Variants in ENTREP2 observed in about 807,000 individuals in gnomAD.
ENTREP2 encodes the protein protein ENTREP2.
At chr15:29,622,287 C>T in the ENTREP2 span, among the ~76,000 whole-genome samples, 2 of 152,106 alleles carry the variant, frequency 1.3e-5, no homozygotes, top group Non-Finnish European at 2.9e-5. Context: ...CTTACTGCAA[C>T]CTCTGCCTCC....
the ENTREP2 span, among the ~76,000 whole-genome samples, chr15:29,556,761 T>C: frequency 9.7e-6 from 1 of 103,490 alleles, no homozygotes; most frequent in Non-Finnish European, 2.2e-5. Flanking sequence ...CCCATGCAGG[T>C]GCCCCCCCCC....
chr15:29,196,528 C>T, the ENTREP2 span: 2 of 1,551,576 alleles, frequency 1.3e-6, no homozygotes, highest in Non-Finnish European at 8.7e-7. Context: ...TGCTGCAGCT[C>T]ACAGCAGACA....
At chr15:29,209,330 C>T in the ENTREP2 span, among the ~76,000 whole-genome samples, 1 of 152,036 alleles carries the variant, frequency 6.6e-6, no homozygotes, top group East Asian at 1.9e-4. Context: ...CGTGAAACCC[C>T]GTCTCTACTA....
the ENTREP2 span, among the ~76,000 whole-genome samples, chr15:29,201,364 AG>A: frequency 5.9e-5 from 9 of 152,314 alleles, no homozygotes; most frequent in East Asian, 1.5e-3. Context: ...TCCTGATCTT[AG>A]GGGAAAAGCA....
At chr15:29,173,695 T>TA in the ENTREP2 span, among the ~76,000 whole-genome samples, 1 of 152,120 alleles carries the variant, frequency 6.6e-6, no homozygotes, top group Non-Finnish European at 1.5e-5. Flanking sequence ...TCTGATTGGT[T>TA]ATCATATTTG....
chr15:29,490,991 T>C, the ENTREP2 span, among the ~76,000 whole-genome samples: 1 of 152,096 alleles, frequency 6.6e-6, no homozygotes, highest in Non-Finnish European at 1.5e-5. Flanking sequence ...GGGGGCAGCA[T>C]GGCGGGCTGC....
the ENTREP2 span, among the ~76,000 whole-genome samples, chr15:29,362,070 C>G: frequency 2.6e-5 from 4 of 152,278 alleles, no homozygotes; most frequent in African/African-American, 9.6e-5. Flanking sequence ...CTCTGGGACT[C>G]CATCCAGAGG....
At chr15:29,513,387 AT>A in the ENTREP2 span, among the ~76,000 whole-genome samples, 1 of 152,236 alleles carries the variant, frequency 6.6e-6, no homozygotes, top group African/African-American at 2.4e-5. Flanking sequence ...TTGAAAAGGA[AT>A]TTTAAAACCC....
At chr15:29,404,372 T>C in the ENTREP2 span, among the ~76,000 whole-genome samples, 5 of 151,846 alleles carry the variant, frequency 3.3e-5, no homozygotes, top group Non-Finnish European at 7.4e-5. Flanking sequence ...CCAGCACCCT[T>C]GTAATAGCCG....
the ENTREP2 span, among the ~76,000 whole-genome samples, chr15:29,170,084 G>T: frequency 6.6e-6 from 1 of 152,010 alleles, no homozygotes. Context: ...GAGGCAGGGG[G>T]ATCATGAGGT....
chr15:29,453,221 C>T, the ENTREP2 span, among the ~76,000 whole-genome samples: 1 of 152,208 alleles, frequency 6.6e-6, no homozygotes, highest in African/African-American at 2.4e-5. Context: ...AGAATCTGCA[C>T]TTAAGCCTCA....
chr15:29,356,012 G>A, the ENTREP2 span, among the ~76,000 whole-genome samples: 1 of 151,892 alleles, frequency 6.6e-6, no homozygotes. Flanking sequence ...TTTTTTGGGA[G>A]TATCACTTAC....
the ENTREP2 span, among the ~76,000 whole-genome samples, chr15:29,456,289 C>T: frequency 6.6e-6 from 1 of 152,160 alleles, no homozygotes; most frequent in African/African-American, 2.4e-5. Context: ...CAGGATAATA[C>T]TGCATGTTCT....
the ENTREP2 span, among the ~76,000 whole-genome samples, chr15:29,542,229 T>C: frequency 5.3e-5 from 8 of 152,162 alleles, no homozygotes; most frequent in South Asian, 1.5e-3. Context: ...TGGCCAGGCT[T>C]GTCTCAAACT....
the ENTREP2 span, among the ~76,000 whole-genome samples, chr15:29,545,503 G>A: frequency 2.6e-5 from 4 of 152,190 alleles, no homozygotes; most frequent in Non-Finnish European, 4.4e-5. Flanking sequence ...TATGATGTGT[G>A]GGATAAATGT....
the ENTREP2 span, among the ~76,000 whole-genome samples, chr15:29,673,711 G>A: frequency 1.4e-4 from 21 of 152,304 alleles, no homozygotes; most frequent in Non-Finnish European, 5.9e-5. Flanking sequence ...CAAGAAGGGA[G>A]TTTGTTTTGG....
At chr15:29,371,691 ACTGT>A in the ENTREP2 span, among the ~76,000 whole-genome samples, 8 of 152,314 alleles carry the variant, frequency 5.3e-5, no homozygotes, top group South Asian at 2.1e-4. Context: ...AAATAACATA[ACTGT>A]CTGTCAAAAT....
At chr15:29,526,156 G>A in the ENTREP2 span, among the ~76,000 whole-genome samples, 1 of 152,136 alleles carries the variant, frequency 6.6e-6, no homozygotes, top group Non-Finnish European at 1.5e-5. Flanking sequence ...TTCCATGTAC[G>A]TGATATAGTG....
At chr15:29,661,500 A>G in the ENTREP2 span, among the ~76,000 whole-genome samples, 1 of 152,136 alleles carries the variant, frequency 6.6e-6, no homozygotes, top group Non-Finnish European at 1.5e-5. Context: ...CACCCGGCCG[A>G]GAAGATGTAA....
Sources: gnomAD v4.1 joint callset for allele counts (sites outside exome capture counted in the v4.1 genomes callset) on GRCh38, gnomAD v4.1.1 for gene constraint, MANE v1.5 for transcripts, NCBI Gene and HGNC (gene_info 2026-07-23, HGNC 2026-07-21) for gene names.